The following MED14 variants were observed in gnomAD, a reference collection of about 807,000 sequenced individuals.
MED14 encodes mediator complex subunit 14.
A neutral mutation model predicts 109.0 loss-of-function variants in MED14; 8 were observed. The observed-to-expected ratio is 0.07, with a 90% CI of 0.04 to 0.13. The LOEUF (loss-of-function observed/expected upper bound fraction) is 0.13. Ranked by LOEUF, MED14 falls within the 10% of genes least tolerant of loss-of-function variation. The probability of loss-of-function intolerance (pLI) is 1.00; values close to 1 mark genes in which losing one functional copy is unlikely to be tolerated. For missense variants in MED14, 711 were observed against 1,142.4 expected (o/e 0.62, Z 5.44); for synonymous variants, 399 against 408.7 (o/e 0.98, Z 0.29).
intron 4 of MED14, among the ~76,000 whole-genome samples, chrX:40,714,331 A>T (rs1194991808): frequency 8.9e-6 from 1 of 112,303 alleles, no homozygotes; most frequent in African/African-American, 3.2e-5. Context: ...GGGAAAAAAA[A>T]ATAAAACCTT....
At chrX:40,681,657 T>C (rs755068016) in intron 19 of MED14, among the ~76,000 whole-genome samples, 195 bp downstream of exon 19, 2 of 112,185 alleles carry the variant, frequency 1.8e-5, no homozygotes, top group African/African-American at 3.2e-5. Flanking sequence ...CATAGGGTAT[T>C]ATTTTTGTTT....
chrX:40,715,892 A>G (rs1200813096), intron 3 of MED14, among the ~76,000 whole-genome samples: 2 of 110,654 alleles, frequency 1.8e-5, no homozygotes, highest in Non-Finnish European at 3.8e-5. Flanking sequence ...GAAATAATCA[A>G]CAGTGTGAAG....
chrX:40,725,004 C>CAA (rs201785720), intron 3 of MED14, among the ~76,000 whole-genome samples: 2,465 of 111,140 alleles, frequency 0.022, 21 homozygotes, highest in Middle Eastern at 0.043. Context: ...CACAGAAATT[C>CAA]AAAGGATCAT....
intron 19 of MED14, among the ~76,000 whole-genome samples, chrX:40,681,650 A>G (rs1356958055): frequency 5.4e-5 from 6 of 111,995 alleles, no homozygotes; most frequent in Middle Eastern, 4.2e-3. Context: ...ACCCCATCAT[A>G]GGGTATTATT....
intron 23 of MED14, among the ~76,000 whole-genome samples, chrX:40,668,040 A>AT (rs1224952111): frequency 9.0e-6 from 1 of 111,458 alleles, no homozygotes; most frequent in Admixed American, 9.5e-5. Context: ...TGAGTTGCAG[A>AT]TATCTACCAG....
Position 40,735,344 on chromosome X carries a change from T to TCCGCCGCTGCCC in MED14, c.57_68dup (p.Gly20_Gly23dup). 9.3e-6 allele frequency: 10 copies of TCCGCCGCTGCCC among 1,072,772 alleles called. No homozygotes were observed. The highest frequency in any genetic ancestry group is 1.2e-5 in the Non-Finnish European group (10 of 831,216). 88.4% of individuals were successfully genotyped at this position (1,072,772 alleles called of 1,213,427 possible). A position where few individuals can be genotyped will look rare whatever the true frequency, so the allele number is the denominator to read the frequency against. ...GAGGAGGGGCTGGGGCTGACGGGGG[T>TCCGCCGCTGCCC]CCGCCGCTGCCCCCGCCGCCGCCTC... On this transcript the variant is annotated inframe_insertion, in exon 1 of 31. Transcript: ENST00000324817.
intron 22 of MED14, among the ~76,000 whole-genome samples, chrX:40,672,977 C>T (rs1464459474): frequency 8.9e-6 from 1 of 112,162 alleles, no homozygotes; most frequent in Non-Finnish European, 1.9e-5. Flanking sequence ...CATAGACTAG[C>T]TTATGCACTA....
intron 3 of MED14, among the ~76,000 whole-genome samples, chrX:40,719,758 T>C (rs1022655924): frequency 8.9e-6 from 1 of 112,136 alleles, no homozygotes; most frequent in East Asian, 2.8e-4. Context: ...CAAAAACCAC[T>C]GAATTGTATA....
rs1928836944 is a variant in MED14 at position 40,650,681 on chromosome X, A to G, written c.*1125T>C. 1.3e-6 allele frequency: 1 copy of G among 752,561 alleles called. No homozygotes were observed. The highest frequency in any genetic ancestry group is 2.3e-5 in the African/African-American group (1 of 43,168). The allele number at this position is 752,561 out of a possible 1,213,427, so 62.0% of individuals were successfully genotyped here. On this transcript the variant is annotated 3_prime_UTR_variant, in exon 31 of 31. Transcript: ENST00000324817. ...CCATTTGACCCTGGACAGGCCCAGG[A>G]TTCGGGATTCTTCACAATGAGGGGA... is the stretch of plus-strand genomic sequence containing the variant.
intron 16 of MED14, among the ~76,000 whole-genome samples, chrX:40,687,439 C>CA (rs1930336167): frequency 8.9e-6 from 1 of 111,958 alleles, no homozygotes; most frequent in South Asian, 3.7e-4. Context: ...GTTGAGCTTT[C>CA]AAAAACACCT....
At chrX:40,671,463 C>T (rs1180681007) in intron 23 of MED14, among the ~76,000 whole-genome samples, 2 of 112,128 alleles carry the variant, frequency 1.8e-5, no homozygotes, top group African/African-American at 6.5e-5. Context: ...AAAGGGCTGT[C>T]GTAGTGGGAA....
At chrX:40,707,273 T>C (rs1931186123) in intron 10 of MED14, among the ~76,000 whole-genome samples, 1 of 112,390 alleles carries the variant, frequency 8.9e-6, no homozygotes, top group Admixed American at 9.4e-5. Flanking sequence ...GTTACTGAGA[T>C]AACTGCATAT....
intron 13 of MED14, among the ~76,000 whole-genome samples, chrX:40,693,722 C>A (rs758890148): frequency 9.0e-6 from 1 of 111,018 alleles, no homozygotes; most frequent in Non-Finnish European, 1.9e-5. Flanking sequence ...TGACAACCAT[C>A]CCTCATACTT....
At position 40,682,190 on chromosome X, in the gene MED14, C is replaced by G. The variant is rs1930141935; in HGVS notation, c.2366-247G>C. 5.4e-5 allele frequency among the ~76,000 whole-genome samples: 6 copies of G among 111,591 alleles called. No individual in the cohort carries two copies. In the Admixed American group the frequency reaches 5.7e-4, roughly 11 times the overall value. On this transcript the variant is annotated intron_variant, in intron 18 of 30. Transcript: ENST00000324817. ...TGGTTAGAGGGTTCCAATTCCAACTCTGCCACTCACTAGCTATGGGACTTT... is the reference window on the plus strand; with the variant it reads ...TGGTTAGAGGGTTCCAATTCCAACTGTGCCACTCACTAGCTATGGGACTTT...
chrX:40,666,639 T>C, intron 24 of MED14, 81 bp downstream of exon 24: 1 of 1,022,237 alleles, frequency 9.8e-7, no homozygotes, highest in Non-Finnish European at 1.3e-6. Flanking sequence ...AGTATTAATT[T>C]TGCAATGAAA....
intron 13 of MED14, among the ~76,000 whole-genome samples, chrX:40,696,539 A>C (rs1930732850): frequency 9.0e-6 from 1 of 111,590 alleles, no homozygotes; most frequent in African/African-American, 3.3e-5. Flanking sequence ...AAAAACATAC[A>C]GAAACAGTGA....
intron 24 of MED14, among the ~76,000 whole-genome samples, chrX:40,665,449 C>G (rs73469387): frequency 0.02 from 2,234 of 111,269 alleles, 51 homozygotes; most frequent in African/African-American, 0.07. Context: ...AGGAGGATCA[C>G]TTGAACTTGA....
intron 11 of MED14, 81 bp from the exon 12 acceptor site, chrX:40,701,324 CA>C (rs1204039491): frequency 4.9e-6 from 3 of 613,621 alleles, no homozygotes; most frequent in Admixed American, 3.7e-5. Flanking sequence ...ACAAATAAAA[CA>C]AATGAAAATT....
chrX:40,692,260 A>T lies in MED14; in HGVS notation c.1903T>A (p.Cys635Ser). The change falls in exon 15 of 31, where the codon TGT becomes AGT. Residue 635 changes from cysteine to serine, a missense_variant. Transcript: ENST00000324817. ...SKKTKRAGEM[C>S]AFNKVLAHFV... ...TGGGCTAAAACTTTATTGAAGGCAC[A>T]CATTTCTCCTGCTCGTTTTGTTTTC... 1 of 1,200,524 alleles carries T rather than the reference A, an allele frequency of 8.3e-7. No homozygotes were observed. Among genetic ancestry groups the T allele is most frequent in the Non-Finnish European group, 1.1e-6 (1 of 885,614 alleles).
Sources: allele counts gnomAD v4.1 joint callset (sites outside exome capture counted in the v4.1 genomes callset), GRCh38; gene constraint gnomAD v4.1.1; transcripts MANE v1.5; gene names NCBI Gene and HGNC (gene_info 2026-07-23, HGNC 2026-07-21).